The following ATF6 variants were observed in gnomAD, a reference collection of about 807,000 sequenced individuals.
The protein encoded by ATF6 is cyclic AMP-dependent transcription factor ATF-6 alpha.
ATF6 carries 53 observed loss-of-function variants against 83.6 expected under a neutral mutation model. The observed-to-expected ratio is 0.63, with a 90% CI of 0.51 to 0.80. The LOEUF (loss-of-function observed/expected upper bound fraction) is 0.80, where lower values mean the gene tolerates loss of function less well. Among genes scored for constraint, ATF6 ranks in the 30% least tolerant of loss-of-function variants. The probability of loss-of-function intolerance (pLI) is 0.00; values close to 1 mark genes in which losing one functional copy is unlikely to be tolerated. For synonymous variants in ATF6, 288 were observed against 285.8 expected (o/e 1.01, Z -0.08); for missense variants, 744 against 797.9 (o/e 0.93, Z 0.81).
intron 14 of ATF6, among the ~76,000 whole-genome samples, chr1:161,880,496 A>G (rs1687299490): frequency 6.6e-6 from 1 of 152,032 alleles, no homozygotes; most frequent in African/African-American, 2.4e-5. Flanking sequence ...CTGTTACTAC[A>G]AATTAGTTTA....
chr1:161,881,626 C>T (rs1484980257), intron 14 of ATF6, among the ~76,000 whole-genome samples: 29 of 152,270 alleles, frequency 1.9e-4, no homozygotes, highest in Non-Finnish European at 5.9e-5. Flanking sequence ...GGCACCTCCT[C>T]ATGTTCAGCA....
chr1:161,799,728 T>A (rs2096687858), intron 6 of ATF6, among the ~76,000 whole-genome samples: 2 of 152,200 alleles, frequency 1.3e-5, no homozygotes, highest in Non-Finnish European at 2.9e-5. Flanking sequence ...TGGGATAAAA[T>A]GCTGTTTATT....
chr1:161,819,633 A>T lies in ATF6; in HGVS notation c.910A>T (p.Ile304Phe). The T allele has an allele frequency of 6.4e-7, 1 of 1,564,850 alleles. No homozygotes were observed. Among genetic ancestry groups the T allele is most frequent in the South Asian group, 1.2e-5 (1 of 81,916 alleles). The change falls in exon 8 of 16, where the codon ATT becomes TTT. Residue 304 changes from isoleucine (I) to phenylalanine (F), a missense_variant and splice_region_variant. Transcript: ENST00000367942. ...QSTMRNVGSDIAVLRRQQRMI... is the reference protein window; with the variant it reads ...QSTMRNVGSDFAVLRRQQRMI... ...TCTGATTCATTATAACTTTTTCTAGATTGCTGTGCTAAGGAGACAGCAACG... is the reference window on the plus strand; with the variant it reads ...TCTGATTCATTATAACTTTTTCTAGTTTGCTGTGCTAAGGAGACAGCAACG...
chr1:161,906,181 C>T (rs962687872), intron 14 of ATF6, among the ~76,000 whole-genome samples: 1 of 152,120 alleles, frequency 6.6e-6, no homozygotes, highest in African/African-American at 2.4e-5. Flanking sequence ...GCAGAGACTT[C>T]CTGGTCCTAT....
At chr1:161,837,786 G>T (rs1042181575) in intron 9 of ATF6, among the ~76,000 whole-genome samples, 6 of 152,122 alleles carry the variant, frequency 3.9e-5, no homozygotes, top group African/African-American at 1.4e-4. Flanking sequence ...AGTTTTTTCT[G>T]CGTGTTGTAT....
In ATF6 at chr1:161,872,657, G is replaced by A. The variant is rs187449468; in HGVS notation, c.1719+9345G>A. Among the ~76,000 whole-genome samples, 3 of 151,600 alleles carry A rather than the reference G, an allele frequency of 2.0e-5. No individual in the cohort carries two copies. In the East Asian group the frequency reaches 5.8e-4, roughly 29 times the overall value. On this transcript the variant is annotated intron_variant, in intron 14 of 15. Transcript: ENST00000367942. ...GCTGTCAGTGGTATCAGATGTTATA[G>A]CGCTCCCTAAGAATGAGAAATGAAA...
intron 14 of ATF6, among the ~76,000 whole-genome samples, chr1:161,901,596 G>A (rs143336500): frequency 4.0e-5 from 6 of 151,532 alleles, no homozygotes; most frequent in African/African-American, 1.5e-4. Context: ...ATATATTTCT[G>A]TATTCAGTCT....
At chr1:161,894,521 C>CTTT (rs71093131) in intron 14 of ATF6, among the ~76,000 whole-genome samples, 12 of 44,866 alleles carry the variant, frequency 2.7e-4, no homozygotes, top group Admixed American at 4.2e-4. Flanking sequence ...GTTTTGTAGT[C>CTTT]TTTTTTTTTT....
chr1:161,886,003 C>G (rs1558010459), intron 14 of ATF6, among the ~76,000 whole-genome samples: 1 of 152,140 alleles, frequency 6.6e-6, no homozygotes, highest in Admixed American at 6.5e-5. Flanking sequence ...TATCATTACA[C>G]TATTTTACTT....
At chr1:161,847,442 G>A (rs1011640652) in intron 10 of ATF6, among the ~76,000 whole-genome samples, 17 of 152,062 alleles carry the variant, frequency 1.1e-4, no homozygotes, top group African/African-American at 4.1e-4. Flanking sequence ...TAGCCTTCCT[G>A]AAAAAACTGT....
intron 15 of ATF6, among the ~76,000 whole-genome samples, chr1:161,957,653 A>G (rs146489380): frequency 6.6e-6 from 1 of 152,260 alleles, no homozygotes; most frequent in African/African-American, 2.4e-5. Flanking sequence ...GAGTTGCCCC[A>G]TATGTAGAAA....
Position 161,842,710 on chromosome 1 carries a change from C to T in ATF6, c.1188-3739C>T, listed in dbSNP as rs1686386320. The stretch of plus-strand genomic sequence containing the variant: ...ACAGATCACCACTAAACAACGTACT[C>T]ATCTCACCAAATGCCACCTGTTCCC... On this transcript the variant is annotated intron_variant, in intron 9 of 15. Coordinates refer to ENST00000367942, the MANE Select transcript of ATF6 (RefSeq NM_007348.4). Among the ~76,000 whole-genome samples, 6 of 152,278 alleles carry T rather than the reference C, an allele frequency of 3.9e-5. No homozygotes were observed. In the South Asian group the frequency reaches 1.2e-3, roughly 32 times the overall value.
chr1:161,939,741 C>G (rs1688607883), intron 15 of ATF6, among the ~76,000 whole-genome samples: 4 of 152,192 alleles, frequency 2.6e-5, no homozygotes, highest in Admixed American at 2.6e-4. Context: ...CGTATCCCTT[C>G]CCTTTAGGAC....
intron 14 of ATF6, among the ~76,000 whole-genome samples, chr1:161,866,748 T>C (rs186422504): frequency 1.1e-4 from 16 of 150,668 alleles, no homozygotes; most frequent in African/African-American, 3.9e-4. Flanking sequence ...GCCTTTTTTG[T>C]TTGTTTGTTT....
At chr1:161,811,742 A>G (rs958959528) in intron 7 of ATF6, among the ~76,000 whole-genome samples, 3 of 149,786 alleles carry the variant, frequency 2.0e-5, no homozygotes, top group African/African-American at 4.9e-5. Context: ...CCACCCACCC[A>G]TCCACCCACC....
At chr1:161,902,796 T>C (rs1290269920) in intron 14 of ATF6, among the ~76,000 whole-genome samples, 1 of 152,126 alleles carries the variant, frequency 6.6e-6, no homozygotes, top group Non-Finnish European at 1.5e-5. Flanking sequence ...GGTAACGATA[T>C]ATAATAGGTG....
rs910388906 is a variant in ATF6 at position 161,958,380 on chromosome 1, T to C, written c.1805-66T>C. On this transcript the variant is annotated intron_variant, in intron 15 of 15. Transcript: ENST00000367942. ...AAGCACATTTCTGTATTTCTGGGGC[T>C]GAAGCTTATGGCAGAGATGCACATT... is the stretch of plus-strand genomic sequence containing the variant. The C allele has an allele frequency of 2.7e-6, 4 of 1,479,456 alleles. No homozygotes were observed. In the Admixed American group the frequency reaches 7.7e-5, roughly 29 times the overall value. The allele number at this position is 1,479,456 out of a possible 1,614,324, so 91.6% of individuals were successfully genotyped here. A position where few individuals can be genotyped will look rare whatever the true frequency, so the allele number is the denominator to read the frequency against.
intron 6 of ATF6, among the ~76,000 whole-genome samples, chr1:161,801,843 C>CA (rs1685155755): frequency 6.6e-6 from 1 of 152,052 alleles, no homozygotes. Flanking sequence ...AATGATAACT[C>CA]AAAGAGATGA....
chr1:161,823,664 G>A (rs1379041728), intron 9 of ATF6, among the ~76,000 whole-genome samples: 3 of 152,112 alleles, frequency 2.0e-5, no homozygotes, highest in Non-Finnish European at 2.9e-5. Flanking sequence ...TTTGATGTCC[G>A]ACTTAACAGG....
Sources: gnomAD v4.1 joint callset for allele counts (sites outside exome capture counted in the v4.1 genomes callset) on GRCh38, gnomAD v4.1.1 for gene constraint, MANE v1.5 for transcripts, NCBI Gene and HGNC (gene_info 2026-07-23, HGNC 2026-07-21) for gene names.